The following SH3GL2 variants were observed in gnomAD, a reference collection of about 807,000 sequenced individuals.
The protein encoded by SH3GL2 is SH3 domain containing GRB2 like 2, endophilin A1, also known as endophilin-A1.
A neutral mutation model predicts 46.0 loss-of-function variants in SH3GL2; 24 were observed. The ratio of observed to expected loss-of-function variants is 0.52; its 90% CI spans 0.38 to 0.73. The LOEUF (loss-of-function observed/expected upper bound fraction) is 0.73, where lower values mean the gene tolerates loss of function less well. SH3GL2 is among the 30% of genes least tolerant of loss of function. The probability of loss-of-function intolerance (pLI) is 0.00; values close to 1 mark genes in which losing one functional copy is unlikely to be tolerated. For missense variants in SH3GL2, 413 were observed against 424.2 expected, an observed-to-expected ratio of 0.97 and a Z score of 0.23; for synonymous variants, 196 against 147.1, an observed-to-expected ratio of 1.33 and a Z score of -2.40.
At chr9:17,662,592 C>G (rs1820247971) in intron 1 of SH3GL2, among the ~76,000 whole-genome samples, 2 of 151,900 alleles carry the variant, frequency 1.3e-5, no homozygotes, top group African/African-American at 4.8e-5. Flanking sequence ...CAGTCAGATA[C>G]AGACTCATGT....
chr9:17,774,270 A>G (rs1823577553), intron 3 of SH3GL2, among the ~76,000 whole-genome samples: 1 of 152,098 alleles, frequency 6.6e-6, no homozygotes. Context: ...TTTACATCCA[A>G]TTTGGATTCC....
At chr9:17,727,688 A>G (rs936238826) in intron 1 of SH3GL2, among the ~76,000 whole-genome samples, 1 of 152,152 alleles carries the variant, frequency 6.6e-6, no homozygotes, top group Admixed American at 6.5e-5. Flanking sequence ...GACGATTTCC[A>G]TATCTTCCTC....
intron 1 of SH3GL2, among the ~76,000 whole-genome samples, chr9:17,678,512 T>A (rs1488576185): frequency 6.6e-6 from 1 of 152,210 alleles, no homozygotes; most frequent in Non-Finnish European, 1.5e-5. Context: ...CTTGAGTTCA[T>A]TGTAGATTGT....
At chr9:17,623,111 C>G (rs568565445) in intron 1 of SH3GL2, among the ~76,000 whole-genome samples, 2 of 122,088 alleles carry the variant, frequency 1.6e-5, no homozygotes, top group Non-Finnish European at 3.2e-5. Flanking sequence ...TGCATTCGTT[C>G]TGCTTTAGTT....
At position 17,724,136 on chromosome 9, in the gene SH3GL2, A is replaced by G. The variant is rs528648015; in HGVS notation, c.46-22930A>G. ...ATTATGTGTTGGTTTGCTAACTGCT[A>G]TCCCCCATTTCTGAAGCCCTGTTTA... On this transcript the variant is annotated intron_variant, in intron 1 of 8. Coordinates refer to ENST00000380607, the MANE Select transcript of SH3GL2 (RefSeq NM_003026.5). Among the ~76,000 whole-genome samples the G allele has an allele frequency of 6.6e-5, 10 of 152,096 alleles. No homozygotes were observed. In the East Asian group the frequency reaches 1.4e-3, roughly 21 times the overall value.
chr9:17,747,409 G>A (rs1222992062), intron 2 of SH3GL2, among the ~76,000 whole-genome samples: 2 of 152,138 alleles, frequency 1.3e-5, no homozygotes, highest in African/African-American at 4.8e-5. Flanking sequence ...AAAAAAATAA[G>A]GACAGTGTTG....
At position 17,795,682 on chromosome 9, in the gene SH3GL2, A is replaced by G. The variant is rs765209610; in HGVS notation, c.998A>G (p.His333Arg). The G allele has an allele frequency of 6.8e-6, 11 of 1,613,918 alleles. No homozygotes were observed. In the African/African-American group the frequency reaches 1.2e-4, roughly 18 times the overall value. The stretch of plus-strand genomic sequence containing the variant: ...GAGAACTGGTATGAGGGGATGCTGC[A>G]TGGCCATTCAGGCTTCTTCCCCATC... ...IDENWYEGML[H>R]GHSGFFPINY... is the part of the protein sequence containing the mutation. The change falls in exon 9 of 9, where the codon CAT (histidine) becomes CGT (arginine). Residue 333 changes from histidine (H) to arginine (R), a missense_variant. This residue lies in a region of SH3GL2 where 248 missense variants were observed against 215.0 expected (regional missense o/e 1.15). Transcript: ENST00000380607.
At chr9:17,644,301 G>A (rs1400416251) in intron 1 of SH3GL2, among the ~76,000 whole-genome samples, 10 of 151,792 alleles carry the variant, frequency 6.6e-5, no homozygotes, top group Non-Finnish European at 1.5e-4. Context: ...TAGATTCATT[G>A]ATTTTTCGAA....
At chr9:17,704,026 C>G (rs537261829) in intron 1 of SH3GL2, among the ~76,000 whole-genome samples, 5 of 152,078 alleles carry the variant, frequency 3.3e-5, no homozygotes, top group South Asian at 2.1e-4. Context: ...CCATATGGTT[C>G]TATACCTAGA....
chr9:17,671,484 T>C (rs181435248), intron 1 of SH3GL2, among the ~76,000 whole-genome samples: 1 of 152,244 alleles, frequency 6.6e-6, no homozygotes, highest in Admixed American at 6.5e-5. Flanking sequence ...ACTAAAACAG[T>C]ATAATTAGAT....
At chr9:17,748,906 A>G (rs1286584477) in intron 2 of SH3GL2, among the ~76,000 whole-genome samples, 1 of 152,210 alleles carries the variant, frequency 6.6e-6, no homozygotes, top group Non-Finnish European at 1.5e-5. Flanking sequence ...GCAAGCAGGC[A>G]AGAGGGAACG....
At chr9:17,715,592 T>G (rs966222848) in intron 1 of SH3GL2, among the ~76,000 whole-genome samples, 1 of 151,976 alleles carries the variant, frequency 6.6e-6, no homozygotes, top group Non-Finnish European at 1.5e-5. Context: ...CTGCAAGACC[T>G]CCCGTGGTTA....
At chr9:17,610,192 A>G (rs1818834799) in intron 1 of SH3GL2, among the ~76,000 whole-genome samples, 1 of 152,214 alleles carries the variant, frequency 6.6e-6, no homozygotes, top group African/African-American at 2.4e-5. Flanking sequence ...AGAATTAAAT[A>G]GCAAAATGCA....
intron 1 of SH3GL2, among the ~76,000 whole-genome samples, chr9:17,613,987 G>C (rs1818926256): frequency 6.6e-6 from 1 of 152,018 alleles, no homozygotes; most frequent in African/African-American, 2.4e-5. Context: ...AAAGGGTTTT[G>C]TGCCTCCTTT....
chr9:17,600,912 G>A (rs938344726), intron 1 of SH3GL2, among the ~76,000 whole-genome samples: 2 of 152,116 alleles, frequency 1.3e-5, no homozygotes, highest in African/African-American at 4.8e-5. Flanking sequence ...TTAGAATATG[G>A]CAACCTTAAT....
intron 2 of SH3GL2, chr9:17,755,695 A>G: frequency 2.8e-6 from 2 of 722,962 alleles, no homozygotes; most frequent in Non-Finnish European, 3.4e-6. Flanking sequence ...GCTCTGCTAC[A>G]GCATCTGGTA....
At chr9:17,767,810 CA>C (rs780887093) in intron 3 of SH3GL2, among the ~76,000 whole-genome samples, 27 of 152,110 alleles carry the variant, frequency 1.8e-4, no homozygotes, top group Middle Eastern at 3.4e-3. Flanking sequence ...TGTTAAGCTT[CA>C]AAGGAATAGG....
chr9:17,675,602 G>C (rs1820587160), intron 1 of SH3GL2, among the ~76,000 whole-genome samples: 1 of 152,222 alleles, frequency 6.6e-6, no homozygotes, highest in Non-Finnish European at 1.5e-5. Flanking sequence ...TAAGGATGTA[G>C]ACATGCTGTA....
intron 1 of SH3GL2, among the ~76,000 whole-genome samples, chr9:17,722,469 T>C (rs1536075): frequency 0.49 from 74,200 of 151,860 alleles, 20,266 homozygotes; most frequent in African/African-American, 0.74. Flanking sequence ...CTAAACCTTT[T>C]GTGATTGAGT....
Sources: allele counts gnomAD v4.1 joint callset (sites outside exome capture counted in the v4.1 genomes callset), GRCh38; gene constraint gnomAD v4.1.1; regional missense constraint gnomAD v4.1.1; transcripts MANE v1.5; gene names NCBI Gene and HGNC (gene_info 2026-07-23, HGNC 2026-07-21).